ELAVL4: variants seen among roughly 807,000 people sequenced by gnomAD.
ELAVL4 encodes the protein ELAV like RNA binding protein 4.
Under a neutral mutation model 35.6 loss-of-function variants are expected in ELAVL4, and 1 was observed. The observed-to-expected ratio is 0.03, with a 90% CI of 0.01 to 0.13. ELAVL4 has a LOEUF of 0.13. Among genes scored for constraint, ELAVL4 ranks in the 10% least tolerant of loss-of-function variants. The pLI is 1.00. For missense variants in ELAVL4, 267 were observed against 464.9 expected (o/e 0.57, Z 3.91); for synonymous variants, 156 against 171.0 (o/e 0.91, Z 0.69).
intron 1 of ELAVL4, among the ~76,000 whole-genome samples, chr1:50,058,354 G>T (rs1663787021): frequency 6.6e-6 from 1 of 152,158 alleles, no homozygotes; most frequent in Non-Finnish European, 1.5e-5. Context: ...TTCAGCAGGG[G>T]TAAGGACAGG....
chr1:50,151,256 T>G (rs1251583630), intron 2 of ELAVL4, among the ~76,000 whole-genome samples: 7 of 152,232 alleles, frequency 4.6e-5, no homozygotes, highest in African/African-American at 7.2e-5. Context: ...TAACTCAGCT[T>G]GTATACCTAG....
intron 1 of ELAVL4, among the ~76,000 whole-genome samples, chr1:50,056,821 A>C (rs1157877012): frequency 6.6e-6 from 1 of 151,904 alleles, no homozygotes; most frequent in Non-Finnish European, 1.5e-5. Flanking sequence ...AGTCCCAGCT[A>C]CTCAGGAGGC....
chr1:50,160,610 A>G (rs1676629569), intron 2 of ELAVL4, among the ~76,000 whole-genome samples: 1 of 152,200 alleles, frequency 6.6e-6, no homozygotes, highest in South Asian at 2.1e-4. Flanking sequence ...CCAAGGCCAG[A>G]GAGCACCTTA....
intron 3 of ELAVL4, 144 bp from the exon 4 acceptor site, chr1:50,193,621 C>A: frequency 1.0e-6 from 1 of 962,688 alleles, no homozygotes; most frequent in Non-Finnish European, 1.5e-6. Context: ...ACAAGGGTAG[C>A]TAAAAATCTG....
intron 2 of ELAVL4, among the ~76,000 whole-genome samples, chr1:50,173,680 G>A (rs1445651562): frequency 1.3e-5 from 2 of 152,106 alleles, no homozygotes; most frequent in Non-Finnish European, 2.9e-5. Flanking sequence ...TAACTTTGAT[G>A]ATTTCCTTTT....
chr1:50,156,377 G>C (rs1675754304), intron 2 of ELAVL4, among the ~76,000 whole-genome samples: 1 of 152,154 alleles, frequency 6.6e-6, no homozygotes. Context: ...AATGAAAGCA[G>C]TCTATAAATG....
At chr1:50,083,877 A>G (rs906498916) in intron 1 of ELAVL4, among the ~76,000 whole-genome samples, 5 of 152,224 alleles carry the variant, frequency 3.3e-5, no homozygotes, top group African/African-American at 9.6e-5. Flanking sequence ...TGAAAGGTCA[A>G]TAACTACTTG....
chr1:50,179,121 C>T (rs1240525318), intron 3 of ELAVL4, among the ~76,000 whole-genome samples: 4 of 152,074 alleles, frequency 2.6e-5, no homozygotes, highest in Non-Finnish European at 4.4e-5. Flanking sequence ...TATTTTCTTT[C>T]TGTAAAGAGT....
At position 50,195,745 on chromosome 1, in the gene ELAVL4, G is replaced by T; in HGVS notation, c.693G>T (p.Arg231=). ...CCCAGCTCTACCAGTCCCCCAACCG[G>T]CGCTACCCAGGTCCACTTCACCACC... ...LLSQLYQSPN[R]RYPGPLHHQA... Residue 231 remains arginine, a synonymous_variant, in exon 5 of 7, where the codon CGG becomes CGT. Transcript: ENST00000371824. The T allele has an allele frequency of 1.2e-6, 2 of 1,614,144 alleles. No individual in the cohort carries two copies. Among genetic ancestry groups the T allele is most frequent in the Non-Finnish European group, 8.5e-7 (1 of 1,179,992 alleles).
At chr1:50,171,687 T>C (rs1679032743) in intron 2 of ELAVL4, among the ~76,000 whole-genome samples, 1 of 152,220 alleles carries the variant, frequency 6.6e-6, no homozygotes, top group Non-Finnish European at 1.5e-5. Context: ...TTAAATGACT[T>C]AACCAAGGTT....
At chr1:50,172,261 G>T (rs1229636711) in intron 2 of ELAVL4, among the ~76,000 whole-genome samples, 2 of 151,994 alleles carry the variant, frequency 1.3e-5, no homozygotes, top group Non-Finnish European at 1.5e-5. Flanking sequence ...GAAAATAAGG[G>T]GTTATAACCA....
intron 1 of ELAVL4, among the ~76,000 whole-genome samples, chr1:50,143,119 C>A (rs1180708432): frequency 6.6e-6 from 1 of 152,074 alleles, no homozygotes; most frequent in Non-Finnish European, 1.5e-5. Flanking sequence ...GGATGGAGAA[C>A]CTGAGAAAGG....
chr1:50,086,592 G>T (rs555034025), intron 1 of ELAVL4, among the ~76,000 whole-genome samples: 88 of 151,834 alleles, frequency 5.8e-4, no homozygotes, highest in African/African-American at 2.1e-3. Flanking sequence ...AAGAGATCTT[G>T]GGAATCCTTG....
intron 1 of ELAVL4, among the ~76,000 whole-genome samples, chr1:50,061,380 T>C (rs1486184851): frequency 6.6e-6 from 1 of 152,208 alleles, no homozygotes; most frequent in Non-Finnish European, 1.5e-5. Context: ...CACATTTATG[T>C]TTCCTACCTA....
upstream of ELAVL4, among the ~76,000 whole-genome samples, chr1:50,101,820 T>C (rs1444761040): frequency 6.6e-6 from 1 of 152,220 alleles, no homozygotes; most frequent in Non-Finnish European, 1.5e-5. Context: ...GGAAGAGATA[T>C]CTTACTTTTA....
intron 5 of ELAVL4, among the ~76,000 whole-genome samples, chr1:50,196,526 C>T (rs1644070850): frequency 6.6e-6 from 1 of 152,234 alleles, no homozygotes; most frequent in Non-Finnish European, 1.5e-5. Context: ...TTCCACACCA[C>T]AGCCCAGCTT....
In ELAVL4 at chr1:50,195,541, G is replaced by A. The variant is rs919142142; in HGVS notation, c.509-20G>A. 5.6e-6 allele frequency: 9 copies of A among 1,612,964 alleles called. No individual in the cohort carries two copies. The highest frequency in any genetic ancestry group is 7.6e-6 in the Non-Finnish European group (9 of 1,179,006). ...GTTTGGTGTGTTCACTCTTTACAAA[G>A]GCTCTTTCTCTTTCCCCAGGAGTGT... On this transcript the variant is annotated intron_variant, in intron 4 of 6. Transcript: ENST00000371824.
intron 2 of ELAVL4, among the ~76,000 whole-genome samples, chr1:50,163,765 G>T (rs1426264667): frequency 6.6e-6 from 1 of 152,162 alleles, no homozygotes; most frequent in Admixed American, 6.5e-5. Context: ...AGCAGAGGTT[G>T]CAGTGAGCCC....
chr1:50,052,178 T>C (rs1172674063), intron 1 of ELAVL4, among the ~76,000 whole-genome samples: 1 of 152,208 alleles, frequency 6.6e-6, no homozygotes, highest in South Asian at 2.1e-4. Context: ...AAAAGCTGTA[T>C]TGATTCTTTC....
Sources: allele counts gnomAD v4.1 joint callset (sites outside exome capture counted in the v4.1 genomes callset), GRCh38; gene constraint gnomAD v4.1.1; transcripts MANE v1.5; gene names NCBI Gene and HGNC (gene_info 2026-07-23, HGNC 2026-07-21).